Variants in DNM3 observed in about 807,000 individuals in gnomAD.
The protein encoded by DNM3 is dynamin-3.
DNM3 carries 47 observed loss-of-function variants against 101.6 expected under a neutral mutation model. The ratio of observed to expected loss-of-function variants is 0.46; its 90% CI spans 0.37 to 0.59. The LOEUF is 0.59. Among genes scored for constraint, DNM3 ranks in the 20% least tolerant of loss-of-function variants. The pLI, the probability that DNM3 is intolerant of heterozygous loss-of-function variation, is 0.00. For missense variants in DNM3, 849 were observed against 1,085.7 expected, an observed-to-expected ratio of 0.78 and a Z score of 3.06; for synonymous variants, 385 against 387.9, an observed-to-expected ratio of 0.99 and a Z score of 0.09.
At chr1:172,346,650 C>T (rs1218553891) in intron 17 of DNM3, among the ~76,000 whole-genome samples, 1 of 152,132 alleles carries the variant, frequency 6.6e-6, no homozygotes, top group Non-Finnish European at 1.5e-5. Flanking sequence ...GACATATACA[C>T]ATATTTATAG....
At chr1:172,043,421 T>A (rs1279799575) in intron 8 of DNM3, among the ~76,000 whole-genome samples, 1 of 152,112 alleles carries the variant, frequency 6.6e-6, no homozygotes, top group Admixed American at 6.6e-5. Flanking sequence ...GAGAGGTGAG[T>A]GCTTATGTCT....
chr1:172,038,683 T>A (rs867642686), intron 7 of DNM3, among the ~76,000 whole-genome samples: 1 of 152,298 alleles, frequency 6.6e-6, no homozygotes, highest in Middle Eastern at 3.4e-3. Context: ...CTCATGCCCA[T>A]TTAAATTGTG....
intron 18 of DNM3, among the ~76,000 whole-genome samples, chr1:172,383,657 G>C (rs190721911): frequency 2.0e-5 from 3 of 152,080 alleles, no homozygotes; most frequent in Non-Finnish European, 4.4e-5. Flanking sequence ...ATTTGTGAAG[G>C]GTTTAAAATG....
At chr1:172,022,004 G>A (rs2047883062) in intron 4 of DNM3, among the ~76,000 whole-genome samples, 1 of 152,180 alleles carries the variant, frequency 6.6e-6, no homozygotes, top group Admixed American at 6.5e-5. Flanking sequence ...AACAGTCTTA[G>A]ATGATATAAC....
chr1:172,281,764 C>T (rs555835577), intron 15 of DNM3, among the ~76,000 whole-genome samples: 1 of 152,002 alleles, frequency 6.6e-6, no homozygotes, highest in South Asian at 2.1e-4. Context: ...CAGTATTATA[C>T]TTGTTTCTTT....
At chr1:172,272,185 A>G (rs2063113906) in intron 15 of DNM3, among the ~76,000 whole-genome samples, 1 of 152,116 alleles carries the variant, frequency 6.6e-6, no homozygotes, top group African/African-American at 2.4e-5. Context: ...AGGATACAGC[A>G]GAAGTGCTTG....
At chr1:172,389,493 C>T (rs1272203184) in intron 20 of DNM3, among the ~76,000 whole-genome samples, 2 of 152,100 alleles carry the variant, frequency 1.3e-5, no homozygotes, top group African/African-American at 4.8e-5. Context: ...GACCTAGAAA[C>T]ACACATAGTT....
intron 4 of DNM3, among the ~76,000 whole-genome samples, chr1:172,009,980 A>T (rs1024853870): frequency 4.0e-5 from 6 of 151,782 alleles, no homozygotes; most frequent in African/African-American, 1.4e-4. Flanking sequence ...TTCTTCCTTC[A>T]GTTCTGTTAA....
intron 4 of DNM3, among the ~76,000 whole-genome samples, chr1:172,030,790 C>T (rs913284379): frequency 6.6e-6 from 1 of 152,060 alleles, no homozygotes; most frequent in South Asian, 2.1e-4. Context: ...AGCCAACAAA[C>T]ATATGAAAAA....
At position 172,183,332 on chromosome 1, in the gene DNM3, A is replaced by G. The variant is rs1460710495; in HGVS notation, c.1659+52044A>G. Among the ~76,000 whole-genome samples, 4 of 152,140 alleles carry G rather than the reference A, an allele frequency of 2.6e-5. 1 individual carries two copies. The highest frequency in any genetic ancestry group is 2.6e-4 in the Admixed American group (4 of 15,254). On this transcript the variant is annotated intron_variant, in intron 14 of 20. Coordinates refer to ENST00000627582, the MANE Select transcript of DNM3 (RefSeq NM_015569.5). ...TCACACACTTTATGGATATAATATC[A>G]TGATGTTGAAAATATTCTATATTAT...
intron 17 of DNM3, among the ~76,000 whole-genome samples, chr1:172,350,287 T>C (rs2067138128): frequency 6.6e-6 from 1 of 150,926 alleles, no homozygotes; most frequent in Non-Finnish European, 1.5e-5. Context: ...GCAAAGTTGC[T>C]CACATTTTTC....
At chr1:172,387,476 T>G in intron 19 of DNM3, 117 bp downstream of exon 19, 4 of 821,770 alleles carry the variant, frequency 4.9e-6, no homozygotes, top group Non-Finnish European at 7.6e-6. Flanking sequence ...GCGAACATAG[T>G]GAAACCCTGT....
At chr1:172,193,911 T>A (rs1173692403) in intron 14 of DNM3, among the ~76,000 whole-genome samples, 1 of 152,216 alleles carries the variant, frequency 6.6e-6, no homozygotes, top group Non-Finnish European at 1.5e-5. Context: ...AGCTTTTGAA[T>A]GTGTTTGCTC....
intron 15 of DNM3, among the ~76,000 whole-genome samples, chr1:172,305,352 A>G (rs1386003681): frequency 6.6e-6 from 1 of 152,236 alleles, no homozygotes; most frequent in Non-Finnish European, 1.5e-5. Flanking sequence ...GAATCTCTGA[A>G]TAGACCAATA....
chr1:172,394,858 C>T (rs115822053), intron 20 of DNM3, among the ~76,000 whole-genome samples: 51 of 152,190 alleles, frequency 3.4e-4, no homozygotes, highest in African/African-American at 1.2e-3. Flanking sequence ...TTAATGTTAG[C>T]TCAAAGAAAG....
intron 1 of DNM3, among the ~76,000 whole-genome samples, chr1:171,845,931 ACT>A (rs1356553261): frequency 6.6e-6 from 1 of 152,168 alleles, no homozygotes; most frequent in Non-Finnish European, 1.5e-5. Flanking sequence ...TGGTAAATAG[ACT>A]CTCAATTCTG....
chr1:172,305,421 A>G (rs1228525521), intron 15 of DNM3, among the ~76,000 whole-genome samples: 1 of 152,236 alleles, frequency 6.6e-6, no homozygotes, highest in Non-Finnish European at 1.5e-5. Context: ...GTCCAAAACC[A>G]GACGGATTCA....
At chr1:172,216,456 G>A (rs2060702395) in intron 14 of DNM3, among the ~76,000 whole-genome samples, 1 of 151,940 alleles carries the variant, frequency 6.6e-6, no homozygotes, top group African/African-American at 2.4e-5. Context: ...ATAAAAACCT[G>A]GCTTCGTCAT....
intron 2 of DNM3, among the ~76,000 whole-genome samples, chr1:171,954,448 T>C (rs960753636): frequency 1.3e-5 from 2 of 152,232 alleles, no homozygotes; most frequent in African/African-American, 4.8e-5. Context: ...TTGTTCTTCC[T>C]CACACATTCT....
Sources: gnomAD v4.1 joint callset for allele counts (sites outside exome capture counted in the v4.1 genomes callset) on GRCh38, gnomAD v4.1.1 for gene constraint, MANE v1.5 for transcripts, NCBI Gene and HGNC (gene_info 2026-07-23, HGNC 2026-07-21) for gene names.